The following CNTN4 variants were observed in gnomAD, a reference collection of about 807,000 sequenced individuals.
CNTN4 encodes contactin 4, also known as contactin-4.
CNTN4 carries 77 observed loss-of-function variants against 122.5 expected under a neutral mutation model. The observed-to-expected ratio is 0.63, with a 90% confidence interval of 0.52 to 0.76. The LOEUF (loss-of-function observed/expected upper bound fraction) is 0.76, where lower values mean the gene tolerates loss of function less well. Among genes scored for constraint, CNTN4 ranks in the 30% least tolerant of loss-of-function variants. The pLI, the probability that CNTN4 is intolerant of heterozygous loss-of-function variation, is 0.00. For missense variants in CNTN4, 1,256 were observed against 1,259.1 expected, an observed-to-expected ratio of 1.00 and a Z score of 0.04; for synonymous variants, 512 against 447.0, an observed-to-expected ratio of 1.15 and a Z score of -1.83.
chr3:2,985,077 C>G (rs1221065864), intron 13 of CNTN4, among the ~76,000 whole-genome samples: 1 of 152,172 alleles, frequency 6.6e-6, no homozygotes, highest in African/African-American at 2.4e-5. Flanking sequence ...GAACAAAAGG[C>G]CTTCTTGTCT....
At chr3:3,010,905 T>C (rs528096064) in intron 14 of CNTN4, among the ~76,000 whole-genome samples, 1 of 151,952 alleles carries the variant, frequency 6.6e-6, no homozygotes, top group Admixed American at 6.5e-5. Flanking sequence ...TACACCCTCA[T>C]TGAAATGCAG....
At chr3:2,750,151 A>G (rs961590930) in intron 6 of CNTN4, among the ~76,000 whole-genome samples, 7 of 152,238 alleles carry the variant, frequency 4.6e-5, no homozygotes, top group Admixed American at 6.5e-5. Context: ...TTAAGAAGCT[A>G]CAGAGCCAAG....
At chr3:2,306,944 CTT>C (rs1340464154) in intron 2 of CNTN4, among the ~76,000 whole-genome samples, 3 of 152,024 alleles carry the variant, frequency 2.0e-5, no homozygotes, top group East Asian at 1.9e-4. Context: ...AGAAATAAAA[CTT>C]ATATTTATAT....
rs539832485 is a variant in CNTN4 at position 2,181,191 on chromosome 3, G to T, written c.-145+80552G>T. ...TGCATTATTGAAAAAAATATATTAG[G>T]TGCTGAAAGTTACACTCATGAATAA... On this transcript the variant is annotated intron_variant, in intron 2 of 24. Coordinates refer to ENST00000418658, the MANE Select transcript of CNTN4 (RefSeq NM_175607.3). Among the ~76,000 whole-genome samples, 5 of 152,010 alleles carry T rather than the reference G, an allele frequency of 3.3e-5. No individual in the cohort carries two copies. The South Asian group carries it at 1.0e-3, about 32-fold the overall frequency.
intron 8 of CNTN4, among the ~76,000 whole-genome samples, chr3:2,875,529 C>G (rs1039345707): frequency 2.6e-5 from 4 of 152,178 alleles, no homozygotes; most frequent in Non-Finnish European, 5.9e-5. Context: ...TATTGGCACA[C>G]AGCCACTCCC....
chr3:2,924,683 G>A (rs1037743176), intron 12 of CNTN4, among the ~76,000 whole-genome samples: 9 of 152,180 alleles, frequency 5.9e-5, no homozygotes, highest in Non-Finnish European at 8.8e-5. Flanking sequence ...TTTTTAGAAC[G>A]CTAGTGGTGA....
At chr3:2,177,656 TTG>T (rs60145608) in intron 2 of CNTN4, among the ~76,000 whole-genome samples, 39,340 of 147,276 alleles carry the variant, frequency 0.27, 5,435 homozygotes, top group East Asian at 0.49. Flanking sequence ...GTGTGTGTGT[TTG>T]TGTGTGTGTG....
rs76294511 is a variant in CNTN4 at position 2,406,586 on chromosome 3, C to T, written c.-89+67353C>T. Among the ~76,000 whole-genome samples, 1,241 of 152,162 alleles carry T rather than the reference C, an allele frequency of 8.2e-3. 18 individuals carry two copies. Among genetic ancestry groups the T allele is most frequent in the African/African-American group, 0.029 (1,186 of 41,514 alleles). Reference sequence around the variant, plus strand: ...GAAGAGTGTATGGGAATTCTCTGTACTATTTTTGTAATTTTTTAAAATATA... The same window carrying T: ...GAAGAGTGTATGGGAATTCTCTGTATTATTTTTGTAATTTTTTAAAATATA... On this transcript the variant is annotated intron_variant, in intron 3 of 24. Transcript: ENST00000418658.
intron 13 of CNTN4, among the ~76,000 whole-genome samples, chr3:2,971,654 G>A (rs1397702371): frequency 6.6e-6 from 1 of 152,106 alleles, no homozygotes; most frequent in East Asian, 1.9e-4. Flanking sequence ...GGAACAACCT[G>A]TATTTTAAAA....
At chr3:2,423,246 A>T (rs778850795) in intron 3 of CNTN4, among the ~76,000 whole-genome samples, 2 of 152,224 alleles carry the variant, frequency 1.3e-5, no homozygotes, top group African/African-American at 4.8e-5. Flanking sequence ...TTTGACAAAC[A>T]AACTTCTAAG....
intron 2 of CNTN4, among the ~76,000 whole-genome samples, chr3:2,128,504 C>T (rs753792676): frequency 4.6e-5 from 7 of 152,144 alleles, no homozygotes; most frequent in South Asian, 2.1e-4. Context: ...GGCTTGGATC[C>T]AGGGGAAACC....
intron 6 of CNTN4, among the ~76,000 whole-genome samples, chr3:2,788,047 C>G (rs1320488328): frequency 6.6e-6 from 1 of 152,096 alleles, no homozygotes; most frequent in Non-Finnish European, 1.5e-5. Context: ...ACCTCGGCCT[C>G]TCAAAGTGCT....
intron 2 of CNTN4, among the ~76,000 whole-genome samples, chr3:2,328,180 C>A (rs1057083843): frequency 1.2e-4 from 18 of 152,174 alleles, no homozygotes; most frequent in African/African-American, 4.1e-4. Flanking sequence ...CCGAGGCGGG[C>A]GGATCACGGG....
At chr3:2,626,994 C>T (rs1253666850) in intron 4 of CNTN4, among the ~76,000 whole-genome samples, 2 of 152,156 alleles carry the variant, frequency 1.3e-5, no homozygotes, top group Non-Finnish European at 2.9e-5. Flanking sequence ...GCCCTTGGTT[C>T]CCACTCCCCA....
intron 6 of CNTN4, among the ~76,000 whole-genome samples, chr3:2,792,973 C>T (rs1481742457): frequency 2.0e-5 from 3 of 152,162 alleles, no homozygotes; most frequent in Non-Finnish European, 2.9e-5. Context: ...TCTGTCACAC[C>T]ACCCATGACC....
At chr3:2,601,522 A>G (rs542319823) in intron 4 of CNTN4, among the ~76,000 whole-genome samples, 6 of 152,096 alleles carry the variant, frequency 3.9e-5, no homozygotes, top group South Asian at 4.2e-4. Flanking sequence ...GATGTGTGGT[A>G]TTATTTCTGA....
intron 4 of CNTN4, among the ~76,000 whole-genome samples, chr3:2,653,129 A>G (rs1209000401): frequency 6.6e-6 from 1 of 152,138 alleles, no homozygotes; most frequent in Admixed American, 6.6e-5. Flanking sequence ...TAAAGGGGGA[A>G]TTTTAAAACA....
intron 4 of CNTN4, among the ~76,000 whole-genome samples, chr3:2,701,494 C>T (rs567732718): frequency 6.6e-6 from 1 of 152,184 alleles, no homozygotes; most frequent in Non-Finnish European, 1.5e-5. Context: ...GTTTGAGCTG[C>T]AATTCAGAAG....
At chr3:2,149,692 T>C (rs914100663) in intron 2 of CNTN4, among the ~76,000 whole-genome samples, 1 of 152,220 alleles carries the variant, frequency 6.6e-6, no homozygotes, top group Non-Finnish European at 1.5e-5. Context: ...AGAATAGTAA[T>C]GTTTACATTT....
Sources: allele counts gnomAD v4.1 joint callset (sites outside exome capture counted in the v4.1 genomes callset), GRCh38; gene constraint gnomAD v4.1.1; transcripts MANE v1.5; gene names NCBI Gene and HGNC (gene_info 2026-07-23, HGNC 2026-07-21).